Variants in HEATR4 observed in about 807,000 individuals in gnomAD.
The protein encoded by HEATR4 is HEAT repeat containing 4, also known as HEAT repeat-containing protein 4.
A neutral mutation model predicts 108.8 loss-of-function variants in HEATR4; 95 were observed. The observed-to-expected ratio is 0.87, with a 90% confidence interval of 0.74 to 1.04. The LOEUF (loss-of-function observed/expected upper bound fraction) is 1.04. Among genes scored for constraint, HEATR4 ranks in the 50% least tolerant of loss-of-function variants. HEATR4 has a pLI of 0.00. For synonymous variants in HEATR4, 443 were observed against 459.4 expected, an observed-to-expected ratio of 0.96 and a Z score of 0.46; for missense variants, 1,152 against 1,253.8, an observed-to-expected ratio of 0.92 and a Z score of 1.23.
intron 7 of HEATR4, among the ~76,000 whole-genome samples, chr14:73,509,969 G>T (rs918882747): frequency 2.0e-5 from 3 of 149,404 alleles, no homozygotes; most frequent in African/African-American, 7.4e-5. Flanking sequence ...CGCCTCCTGG[G>T]TTCACACCAT....
chr14:73,598,291 G>A, the HEATR4 span, among the ~76,000 whole-genome samples: 1 of 148,850 alleles, frequency 6.7e-6, no homozygotes, highest in Non-Finnish European at 1.5e-5. Context: ...TTGGGAGGCC[G>A]AGGCAGGAGA....
chr14:73,612,688 C>T, the HEATR4 span: 1 of 1,406,652 alleles, frequency 7.1e-7, no homozygotes, highest in Non-Finnish European at 9.2e-7. Context: ...CGTCCCTGCG[C>T]GACGAAGAGG....
the HEATR4 span, among the ~76,000 whole-genome samples, chr14:73,566,198 G>A: frequency 1.3e-5 from 2 of 152,048 alleles, no homozygotes; most frequent in Non-Finnish European, 2.9e-5. Context: ...GCCGATTGGT[G>A]TATTTACAAT....
At chr14:73,619,161 G>GAATGTAAAA in the HEATR4 span, 1 of 1,485,890 alleles carries the variant, frequency 6.7e-7, no homozygotes, top group Non-Finnish European at 8.9e-7. Context: ...GCTACTTGGA[G>GAATGTAAAA]AATGTAAAAT....
the HEATR4 span, among the ~76,000 whole-genome samples, chr14:73,614,048 AAAATT>A: frequency 7.0e-6 from 1 of 143,848 alleles, no homozygotes; most frequent in African/African-American, 2.6e-5. Flanking sequence ...AAAAAAAAAA[AAAATT>A]AGGCAGGCAT....
the HEATR4 span, chr14:73,574,447 G>A: frequency 4.3e-5 from 11 of 257,484 alleles, no homozygotes. Context: ...TGTATTTTTA[G>A]TAGAGATGTT....
intron 2 of HEATR4, among the ~76,000 whole-genome samples, chr14:73,525,180 C>T (rs1024270854): frequency 3.3e-5 from 5 of 152,092 alleles, no homozygotes; most frequent in African/African-American, 9.7e-5. Flanking sequence ...CAGGTGCATG[C>T]GCCACCACAC....
chr14:73,592,182 C>T, the HEATR4 span: 2 of 1,607,692 alleles, frequency 1.2e-6, no homozygotes, highest in Non-Finnish European at 1.7e-6. Flanking sequence ...CTTCGCGGGA[C>T]TCGAGCCCAT....
Position 73,509,492 on chromosome 14 carries a change from G to C in HEATR4, c.1559-19C>G, listed in dbSNP as rs758947111. 36 of 1,612,782 alleles carry C rather than the reference G, an allele frequency of 2.2e-5. No individual in the cohort carries two copies. The South Asian group carries it at 4.0e-4, about 18-fold the overall frequency. On this transcript the variant is annotated intron_variant, in intron 7 of 17. Coordinates refer to ENST00000553558, the MANE Select transcript of HEATR4 (RefSeq NM_001220484.1). ...GTCTTGTCTGTGATCAAAAGAGCCAGGTAAGAGAGTACTAGCCCCTTTGCT... is the reference window on the plus strand; with the variant it reads ...GTCTTGTCTGTGATCAAAAGAGCCACGTAAGAGAGTACTAGCCCCTTTGCT...
Position 73,512,030 on chromosome 14 carries a change from T to G in HEATR4, c.1534A>C (p.Ile512Leu). ...CATAALERPR[I>L]ATSQRDSDKT... is the part of the protein sequence containing the mutation. Reference sequence around the variant, plus strand: ...CCTGAGTCTCTCTGGCTGGTGGCAATCCGGGGCCGTTCCAAAGCAGCTGTG... The same window carrying G: ...CCTGAGTCTCTCTGGCTGGTGGCAAGCCGGGGCCGTTCCAAAGCAGCTGTG... The change falls in exon 7 of 18, where the codon ATT becomes CTT. Residue 512 changes from isoleucine to leucine, a missense_variant. Physicochemically the swap from Ile to Leu is conservative, Grantham distance 5. Coordinates refer to ENST00000553558, the MANE Select transcript of HEATR4 (RefSeq NM_001220484.1). 3.1e-6 allele frequency: 5 copies of G among 1,614,032 alleles called. No homozygotes were observed. The highest frequency in any genetic ancestry group is 4.2e-6 in the Non-Finnish European group (5 of 1,179,950).
chr14:73,506,343 A>G, intron 10 of HEATR4, 124 bp downstream of exon 10: 2 of 664,722 alleles, frequency 3.0e-6, no homozygotes, highest in East Asian at 2.6e-5. Flanking sequence ...AGTAAGAAGT[A>G]GTGATGTGGG....
At chr14:73,479,705 C>G (rs1296729800) in intron 17 of HEATR4, among the ~76,000 whole-genome samples, 1 of 152,002 alleles carries the variant, frequency 6.6e-6, no homozygotes, top group African/African-American at 2.4e-5. Context: ...GCTGGGATTA[C>G]AGGCATGAGC....
chr14:73,497,164 G>A (rs1455017117), intron 14 of HEATR4, among the ~76,000 whole-genome samples: 1 of 152,060 alleles, frequency 6.6e-6, no homozygotes, highest in African/African-American at 2.4e-5. Context: ...CCAAAGTGTT[G>A]GGGCTACAGG....
At chr14:73,503,743 T>G (rs1566827960) in intron 10 of HEATR4, among the ~76,000 whole-genome samples, 1 of 152,226 alleles carries the variant, frequency 6.6e-6, no homozygotes, top group East Asian at 1.9e-4. Flanking sequence ...GTTCTAGCTA[T>G]TTGTAACATT....
In HEATR4 at chr14:73,492,538, C is replaced by G. The variant is rs770092953; in HGVS notation, c.2844+528G>C. ...ACCAGCGAGCCAAAGACTTCATTCA[C>G]GATTCTCTGCCCCCTGTTTTGACTG... is the stretch of plus-strand genomic sequence containing the variant. On this transcript the variant is annotated intron_variant, in intron 17 of 17. Transcript: ENST00000553558. This position sits in a 1 kb window ranked among gnomAD's most constrained non-coding sequence, Gnocchi z 4.9. The G allele has an allele frequency of 6.2e-7, 1 of 1,613,612 alleles. No homozygotes were observed. The highest frequency in any genetic ancestry group is 1.7e-5 in the Admixed American group (1 of 59,916).
chr14:73,583,794 G>A, the HEATR4 span, among the ~76,000 whole-genome samples: 1 of 152,016 alleles, frequency 6.6e-6, no homozygotes, highest in African/African-American at 2.4e-5. Context: ...GAGGTCAGGA[G>A]TTCGAGACCA....
chr14:73,562,712 A>T (rs559522590), upstream of HEATR4, among the ~76,000 whole-genome samples: 2 of 152,076 alleles, frequency 1.3e-5, no homozygotes, highest in Non-Finnish European at 2.9e-5. Context: ...TGCCGTTGAG[A>T]TAAGGACTGA....
At chr14:73,601,406 A>G in the HEATR4 span, among the ~76,000 whole-genome samples, 2 of 152,190 alleles carry the variant, frequency 1.3e-5, no homozygotes, top group African/African-American at 4.8e-5. Flanking sequence ...TCTACTAAAA[A>G]TACAAAAATT....
chr14:73,506,681 C>T lies in HEATR4; in HGVS notation c.1882-110G>A. ...CTGCATAATTAATGTCACCAGTGGGCTTACAAGAGATGGGGCATGTTTCCA... is the reference window on the plus strand; with the variant it reads ...CTGCATAATTAATGTCACCAGTGGGTTTACAAGAGATGGGGCATGTTTCCA... On this transcript the variant is annotated intron_variant, in intron 9 of 17. Transcript: ENST00000553558. 5 of 741,392 alleles carry T rather than the reference C, an allele frequency of 6.7e-6. No individual in the cohort carries two copies. The South Asian group carries it at 8.6e-5, about 13-fold the overall frequency. 45.9% of individuals were successfully genotyped at this position (741,392 alleles called of 1,614,324 possible). A position where few individuals can be genotyped will look rare whatever the true frequency, so the allele number is the denominator to read the frequency against.
Sources: allele counts gnomAD v4.1 joint callset (sites outside exome capture counted in the v4.1 genomes callset), GRCh38; gene constraint gnomAD v4.1.1; non-coding constraint Gnocchi (gnomAD v3.1); transcripts MANE v1.5; gene names NCBI Gene and HGNC (gene_info 2026-07-23, HGNC 2026-07-21).